Variants in ADGRG2 observed in about 807,000 individuals in gnomAD.
The protein encoded by ADGRG2 is G protein-coupled receptor 64.
Under a neutral mutation model 74.1 loss-of-function variants are expected in ADGRG2, and 26 were observed. The ratio of observed to expected loss-of-function variants is 0.35; its 90% CI spans 0.26 to 0.49. ADGRG2 has a LOEUF of 0.49. ADGRG2 is among the 20% of genes least tolerant of loss of function. The pLI, the probability that ADGRG2 is intolerant of heterozygous loss-of-function variation, is 0.99. For missense variants in ADGRG2, 619 were observed against 763.1 expected, an observed-to-expected ratio of 0.81 and a Z score of 2.22; for synonymous variants, 296 against 295.2, an observed-to-expected ratio of 1.00 and a Z score of -0.03.
chrX:19,010,359 G>A (rs1339472996), intron 17 of ADGRG2, among the ~76,000 whole-genome samples: 3 of 110,800 alleles, frequency 2.7e-5, no homozygotes, highest in Admixed American at 1.9e-4. Flanking sequence ...GACCTCAAGC[G>A]ATCCGCCCAC....
At chrX:19,011,737 C>A (rs898517210) in intron 16 of ADGRG2, among the ~76,000 whole-genome samples, 15 of 111,497 alleles carry the variant, frequency 1.3e-4, no homozygotes, top group African/African-American at 4.9e-4. Flanking sequence ...CCCAGTTACT[C>A]GGGAGGCTGA....
At chrX:19,018,003 A>G (rs1301764817) in intron 15 of ADGRG2, among the ~76,000 whole-genome samples, 1 of 111,990 alleles carries the variant, frequency 8.9e-6, no homozygotes, top group Non-Finnish European at 1.9e-5. Context: ...TGACTTTCAG[A>G]GTCTTTTGCT....
intron 1 of ADGRG2, among the ~76,000 whole-genome samples, chrX:19,101,861 C>T (rs1304239030): frequency 1.8e-5 from 2 of 110,404 alleles, no homozygotes; most frequent in Non-Finnish European, 3.8e-5. Context: ...ACATGCAGCA[C>T]ATACTGAACC....
chrX:19,051,191 C>T (rs769584169), intron 3 of ADGRG2, among the ~76,000 whole-genome samples: 37 of 111,759 alleles, frequency 3.3e-4, no homozygotes, highest in Non-Finnish European at 5.3e-4. Flanking sequence ...TCTCCTGCCT[C>T]GGCCTCCTGA....
chrX:19,034,065 A>G (rs777316543), intron 7 of ADGRG2: 1 of 118,504 alleles, frequency 8.4e-6, no homozygotes, highest in Non-Finnish European at 1.7e-5. Context: ...AACAGTACAC[A>G]TGGGATGTAA....
chrX:19,049,455 T>TTTGTTG (rs1555901682), intron 3 of ADGRG2, among the ~76,000 whole-genome samples: 3 of 90,997 alleles, frequency 3.3e-5, no homozygotes, highest in African/African-American at 1.4e-4. Context: ...TTTTTTTTTT[T>TTTGTTG]TTGTTGTTGT....
intron 3 of ADGRG2, among the ~76,000 whole-genome samples, chrX:19,060,799 C>T (rs1364020002): frequency 2.7e-5 from 3 of 111,105 alleles, no homozygotes; most frequent in Non-Finnish European, 5.7e-5. Flanking sequence ...CCACGTGGCT[C>T]GGCCTCCCAA....
chrX:19,030,930 T>C, intron 9 of ADGRG2, 54 bp downstream of exon 9: 1 of 829,182 alleles, frequency 1.2e-6, no homozygotes, highest in Non-Finnish European at 1.8e-6. Flanking sequence ...AGTGAACCAT[T>C]TATCTCTATG....
chrX:19,036,160 T>C, intron 6 of ADGRG2, 183 bp from the exon 7 acceptor site: 1 of 317,857 alleles, frequency 3.1e-6, no homozygotes. Flanking sequence ...CTCCAACCCC[T>C]GGAGACAATT....
intron 3 of ADGRG2, among the ~76,000 whole-genome samples, chrX:19,062,404 T>C (rs1282385721): frequency 1.8e-5 from 2 of 111,872 alleles, no homozygotes; most frequent in Non-Finnish European, 3.8e-5. Context: ...TCACTCCCCA[T>C]CACCACTTCC....
At chrX:19,071,576 T>C (rs968817435) in intron 2 of ADGRG2, among the ~76,000 whole-genome samples, 3 of 111,196 alleles carry the variant, frequency 2.7e-5, no homozygotes, top group Admixed American at 9.6e-5. Context: ...CAGAAAAAAC[T>C]AATTGATGTG....
rs986010646 is a variant in ADGRG2, at chrX:18,990,379, A to G, written c.*485T>C. Reference sequence around the variant, plus strand: ...TGAGACAAAACAACCATGATTCTACAAAGGAATACATTTACACAGTAGAAA... The same window carrying G: ...TGAGACAAAACAACCATGATTCTACGAAGGAATACATTTACACAGTAGAAA... On this transcript the variant is annotated 3_prime_UTR_variant, in exon 29 of 29. Transcript: ENST00000379869. The G allele has an allele frequency of 2.7e-5, 3 of 113,066 alleles. No individual in the cohort carries two copies. The highest frequency in any genetic ancestry group is 9.7e-5 in the African/African-American group (3 of 31,044). The allele number at this position is 113,066 out of a possible 1,213,427, so 9.3% of individuals were successfully genotyped here. A position where few individuals can be genotyped will look rare whatever the true frequency, so the allele number is the denominator to read the frequency against.
intron 3 of ADGRG2, among the ~76,000 whole-genome samples, chrX:19,041,021 T>C (rs1483582063): frequency 9.0e-6 from 1 of 111,106 alleles, no homozygotes; most frequent in Admixed American, 9.7e-5. Context: ...TACATGCATA[T>C]ATGTTTATAT....
At chrX:19,064,745 A>G (rs5955517) in intron 3 of ADGRG2, among the ~76,000 whole-genome samples, 31,167 of 111,467 alleles carry the variant, frequency 0.28, 3,240 homozygotes, top group East Asian at 0.42. Flanking sequence ...GAGGTCCAAC[A>G]TACAAGCTTT....
At chrX:19,015,693 T>G (rs1000158701) in intron 15 of ADGRG2, among the ~76,000 whole-genome samples, 6 of 111,898 alleles carry the variant, frequency 5.4e-5, no homozygotes, top group African/African-American at 1.6e-4. Flanking sequence ...CACTCCAGTC[T>G]GGGTGAAAGA....
intron 22 of ADGRG2, among the ~76,000 whole-genome samples, 194 bp downstream of exon 22, chrX:19,005,808 C>T (rs1220756239): frequency 8.9e-6 from 1 of 111,963 alleles, no homozygotes; most frequent in Non-Finnish European, 1.9e-5. Flanking sequence ...CCACCTTGGC[C>T]TCCCAAAGTG....
intron 1 of ADGRG2, among the ~76,000 whole-genome samples, chrX:19,099,191 TAA>T (rs371386826): frequency 7.7e-5 from 8 of 103,329 alleles, no homozygotes; most frequent in African/African-American, 2.4e-4. Flanking sequence ...CTAAAAAAGT[TAA>T]AAAAAAAAAA....
intron 2 of ADGRG2, among the ~76,000 whole-genome samples, chrX:19,081,731 T>G (rs1489938868): frequency 8.9e-6 from 1 of 111,823 alleles, no homozygotes; most frequent in African/African-American, 3.2e-5. Context: ...TTTACAAAAT[T>G]TTGATAATTT....
intron 3 of ADGRG2, among the ~76,000 whole-genome samples, chrX:19,059,820 C>T: frequency 9.0e-6 from 1 of 110,565 alleles, no homozygotes; most frequent in East Asian, 2.8e-4. Context: ...TTAGTATACA[C>T]AGTACTGGTA....
Sources: gnomAD v4.1 joint callset for allele counts (sites outside exome capture counted in the v4.1 genomes callset) on GRCh38, gnomAD v4.1.1 for gene constraint, MANE v1.5 for transcripts, NCBI Gene and HGNC (gene_info 2026-07-23, HGNC 2026-07-21) for gene names.